Variants in TASOR observed in about 807,000 individuals in gnomAD.
TASOR encodes the protein protein TASOR.
TASOR carries 53 observed loss-of-function variants against 178.6 expected under a neutral mutation model. The ratio of observed to expected loss-of-function variants is 0.30; its 90% CI spans 0.24 to 0.37. The LOEUF is 0.37. TASOR is among the 10% of genes least tolerant of loss of function. The pLI is 1.00. For missense variants in TASOR, 1,815 were observed against 1,971.4 expected (o/e 0.92, Z 1.50); for synonymous variants, 713 against 696.2 (o/e 1.02, Z -0.38).
intron 13 of TASOR, among the ~76,000 whole-genome samples, chr3:56,647,967 G>C (rs1171007699): frequency 1.3e-5 from 2 of 152,164 alleles, no homozygotes; most frequent in South Asian, 4.1e-4. Context: ...GGGAGGCTGA[G>C]GTAGTTGGAT....
intron 21 of TASOR, among the ~76,000 whole-genome samples, chr3:56,626,836 A>G (rs988146617): frequency 6.6e-6 from 1 of 151,946 alleles, no homozygotes; most frequent in South Asian, 2.1e-4. Context: ...ACCTATGCAC[A>G]TAACAACTTC....
Position 56,624,521 on chromosome 3 carries a change from G to T in TASOR, c.4441C>A (p.Leu1481Ile), listed in dbSNP as rs542859306. The T allele has an allele frequency of 1.2e-6, 2 of 1,613,982 alleles. No individual in the cohort carries two copies. The highest frequency in any genetic ancestry group is 4.5e-5 in the East Asian group (2 of 44,856). ...GYHNSITEEN[L>I]PQLGANENLE... ...TTCTCATTAGCACCAAGCTGTGGAA[G>T]GTTTTCTTCTGTGATTGAATTGTGA... is the stretch of plus-strand genomic sequence containing the variant. The change falls in exon 23 of 24, where the codon CTT becomes ATT. Residue 1481 changes from leucine to isoleucine, a missense_variant. Physicochemically the swap from Leu to Ile is conservative, Grantham distance 5. Coordinates refer to ENST00000683822, the MANE Select transcript of TASOR (RefSeq NM_001365635.2).
intron 14 of TASOR, among the ~76,000 whole-genome samples, chr3:56,644,317 C>CA (rs2077190206): frequency 6.7e-6 from 1 of 148,562 alleles, no homozygotes; most frequent in Non-Finnish European, 1.5e-5. Context: ...GCTCTCAAGA[C>CA]ATGTCACAAG....
Position 56,633,531 on chromosome 3 carries a change from G to GT in TASOR, c.3259dup (p.Thr1087AsnfsTer5). The GT allele has an allele frequency of 6.2e-7, 1 of 1,614,106 alleles. No homozygotes were observed. The highest frequency in any genetic ancestry group is 8.5e-7 in the Non-Finnish European group (1 of 1,180,026). ...CTTGGCTGATGCTTTAATAATAATAGTATTTAGCTTCTCATGCAAACCATC... is the reference window on the plus strand; with the variant it reads ...CTTGGCTGATGCTTTAATAATAATAGTTATTTAGCTTCTCATGCAAACCATC... On this transcript the variant is annotated frameshift_variant, in exon 18 of 24. Transcript: ENST00000683822. LOFTEE classifies it high-confidence loss of function.
At chr3:56,653,464 G>T (rs1395849769) in intron 11 of TASOR, among the ~76,000 whole-genome samples, 2 of 147,492 alleles carry the variant, frequency 1.4e-5, no homozygotes, top group African/African-American at 5.0e-5. Context: ...AAAAAAAAAA[G>T]ATTTAAAAAG....
intron 20 of TASOR, 43 bp downstream of exon 20, chr3:56,627,539 G>T: frequency 6.3e-7 from 1 of 1,598,980 alleles, no homozygotes; most frequent in Non-Finnish European, 8.6e-7. Flanking sequence ...AAAAGTATGA[G>T]AGTCAGAAGA....
Position 56,621,488 on chromosome 3 carries a change from G to T in TASOR, c.*1549C>A. ...TAGTTTAACACAACATTGCAAGTCA[G>T]GTGTGCACATTTTACTAACAAACAT... On this transcript the variant is annotated 3_prime_UTR_variant, in exon 24 of 24. Coordinates refer to ENST00000683822, the MANE Select transcript of TASOR (RefSeq NM_001365635.2). 1 of 1,180,620 alleles carries T rather than the reference G, an allele frequency of 8.5e-7. No homozygotes were observed. 73.1% of individuals were successfully genotyped at this position (1,180,620 alleles called of 1,614,324 possible).
At chr3:56,657,894 T>TC (rs1261690009) in intron 11 of TASOR, among the ~76,000 whole-genome samples, 1 of 152,196 alleles carries the variant, frequency 6.6e-6, no homozygotes, top group African/African-American at 2.4e-5. Flanking sequence ...AAAGTATTTG[T>TC]CCCCATCTTT....
intron 5 of TASOR, among the ~76,000 whole-genome samples, chr3:56,668,850 T>C (rs115717658): frequency 0.012 from 1,872 of 152,194 alleles, 47 homozygotes; most frequent in African/African-American, 0.042. Flanking sequence ...CGCACGCTTT[T>C]AATCCCAGCT....
chr3:56,671,059 G>A (rs2030673400), intron 3 of TASOR, among the ~76,000 whole-genome samples: 1 of 150,066 alleles, frequency 6.7e-6, no homozygotes. Flanking sequence ...AAAGAAAAAA[G>A]GCCAGGCGCG....
intron 22 of TASOR, 67 bp downstream of exon 22, chr3:56,624,761 G>A: frequency 6.4e-7 from 1 of 1,562,198 alleles, no homozygotes. Context: ...ACCCACCACA[G>A]CCCCATAAAA....
Position 56,641,813 on chromosome 3 carries a change from A to G in TASOR, c.2216-61T>C, listed in dbSNP as rs1203988777. On this transcript the variant is annotated intron_variant, in intron 14 of 23. Coordinates refer to ENST00000683822, the MANE Select transcript of TASOR (RefSeq NM_001365635.2). The stretch of plus-strand genomic sequence containing the variant: ...TAAAAGCAAGCATAAAACTTTTAAA[A>G]TCAAATATACCTAAAAAATTATCAT... 9 of 1,481,556 alleles carry G rather than the reference A, an allele frequency of 6.1e-6. No homozygotes were observed. In the East Asian group the frequency reaches 2.1e-4, roughly 34 times the overall value. The allele number at this position is 1,481,556 out of a possible 1,614,324, so 91.8% of individuals were successfully genotyped here. A position where few individuals can be genotyped will look rare whatever the true frequency, so the allele number is the denominator to read the frequency against.
chr3:56,676,371 A>G (rs552657339), intron 1 of TASOR, among the ~76,000 whole-genome samples: 1 of 152,376 alleles, frequency 6.6e-6, no homozygotes, highest in South Asian at 2.1e-4. Flanking sequence ...AAAGCTCAGA[A>G]AAGAGGGTAG....
At chr3:56,654,156 A>G (rs1294197738) in intron 11 of TASOR, among the ~76,000 whole-genome samples, 1 of 152,102 alleles carries the variant, frequency 6.6e-6, no homozygotes, top group Non-Finnish European at 1.5e-5. Flanking sequence ...AATCCCAGCT[A>G]CTTGGGAGGC....
At chr3:56,680,583 T>TA (rs1434995844) in intron 1 of TASOR, among the ~76,000 whole-genome samples, 1 of 151,102 alleles carries the variant, frequency 6.6e-6, no homozygotes, top group Non-Finnish European at 1.5e-5. Flanking sequence ...ATTTTTTTAA[T>TA]AAAGTTGAAT....
rs1284434444 is a variant in TASOR, at chr3:56,622,950, GAAC to G, written c.*84_*86del. 3.4e-6 allele frequency: 3 copies of G among 883,566 alleles called. No homozygotes were observed. The highest frequency in any genetic ancestry group is 4.9e-6 in the Non-Finnish European group (3 of 606,482). 54.7% of individuals were successfully genotyped at this position (883,566 alleles called of 1,614,324 possible). The stretch of plus-strand genomic sequence containing the variant: ...AATAAAAGAAAAAACATTTGAGAAA[GAAC>G]AAGAACCTTTTGTTTAGAGAATGAA... On this transcript the variant is annotated 3_prime_UTR_variant, in exon 24 of 24. Coordinates refer to ENST00000683822, the MANE Select transcript of TASOR (RefSeq NM_001365635.2).
chr3:56,621,737 A>T lies in TASOR; in HGVS notation c.*1300T>A. On this transcript the variant is annotated 3_prime_UTR_variant, in exon 24 of 24. Coordinates refer to ENST00000683822, the MANE Select transcript of TASOR (RefSeq NM_001365635.2). ...TTACTTATTTTTTTAAATGCTCATTAAAAACTTGTATACTATGTAGTAAAA... is the reference window on the plus strand; with the variant it reads ...TTACTTATTTTTTTAAATGCTCATTTAAAACTTGTATACTATGTAGTAAAA... 1.6e-6 allele frequency: 1 copy of T among 618,306 alleles called. No individual in the cohort carries two copies. The highest frequency in any genetic ancestry group is 2.8e-6 in the Non-Finnish European group (1 of 363,452). 38.3% of individuals were successfully genotyped at this position (618,306 alleles called of 1,614,324 possible).
intron 17 of TASOR, among the ~76,000 whole-genome samples, chr3:56,636,998 C>T (rs1370816117): frequency 1.3e-5 from 2 of 151,904 alleles, no homozygotes; most frequent in Non-Finnish European, 2.9e-5. Flanking sequence ...ATGGTAAAAC[C>T]CCGAAATCAG....
intron 2 of TASOR, among the ~76,000 whole-genome samples, chr3:56,673,223 G>C (rs927087012): frequency 2.0e-5 from 3 of 152,116 alleles, no homozygotes; most frequent in Admixed American, 6.5e-5. Context: ...GCAGATAAAT[G>C]TAATGCTACA....
Sources: gnomAD v4.1 joint callset for allele counts (sites outside exome capture counted in the v4.1 genomes callset) on GRCh38, gnomAD v4.1.1 for gene constraint, MANE v1.5 for transcripts, NCBI Gene and HGNC (gene_info 2026-07-23, HGNC 2026-07-21) for gene names.